Variants in FHOD3 observed in about 807,000 individuals in gnomAD.
FHOD3 encodes the protein formin homology 2 domain containing 3.
FHOD3 carries 90 observed loss-of-function variants against 173.0 expected under a neutral mutation model. That is an observed-to-expected ratio of 0.52 (90% confidence interval 0.44 to 0.62). FHOD3 has a LOEUF of 0.62. FHOD3 is among the 20% of genes least tolerant of loss of function. The probability of loss-of-function intolerance (pLI) is 0.00; values close to 1 mark genes in which losing one functional copy is unlikely to be tolerated. For missense variants in FHOD3, 1,945 were observed against 2,034.7 expected (o/e 0.96, Z 0.85); for synonymous variants, 828 against 823.0 (o/e 1.01, Z -0.10).
At chr18:36,579,709 T>C (rs2058776337) in intron 6 of FHOD3, among the ~76,000 whole-genome samples, 1 of 152,206 alleles carries the variant, frequency 6.6e-6, no homozygotes, top group East Asian at 1.9e-4. Flanking sequence ...ACAGGCACCA[T>C]CTTGGATGCA....
At position 36,649,417 on chromosome 18, in the gene FHOD3, T is replaced by G. The variant is rs1158817590; in HGVS notation, c.1286+12T>G. 6.5e-7 allele frequency: 1 copy of G among 1,531,464 alleles called. No individual in the cohort carries two copies. The highest frequency in any genetic ancestry group is 2.0e-5 in the Admixed American group (1 of 50,894). 94.9% of individuals were successfully genotyped at this position (1,531,464 alleles called of 1,614,324 possible). A position where few individuals can be genotyped will look rare whatever the true frequency, so the allele number is the denominator to read the frequency against. ...CAGGGCAAGGACAGGTACCTAGGAC[T>G]GGAGCCTCCCAAGCTCACACTAAAA... On this transcript the variant is annotated intron_variant, in intron 11 of 28. Transcript: ENST00000590592.
intron 16 of FHOD3, among the ~76,000 whole-genome samples, chr18:36,687,555 G>T (rs2038706370): frequency 6.6e-6 from 1 of 152,124 alleles, no homozygotes; most frequent in Admixed American, 6.5e-5. Context: ...ACTGTGCCAG[G>T]CAGCAGCTGG....
chr18:36,693,998 T>C (rs994184702), intron 17 of FHOD3, among the ~76,000 whole-genome samples: 2 of 152,190 alleles, frequency 1.3e-5, no homozygotes, highest in Admixed American at 6.5e-5. Context: ...CTGGGAGATA[T>C]TCTGTCTTCT....
chr18:36,400,629 G>A (rs1205663452), intron 3 of FHOD3, among the ~76,000 whole-genome samples: 1 of 152,228 alleles, frequency 6.6e-6, no homozygotes, highest in African/African-American at 2.4e-5. Context: ...TGGGGCAGTG[G>A]CAGCTGTGGC....
intron 3 of FHOD3, among the ~76,000 whole-genome samples, chr18:36,457,849 T>A (rs2052311999): frequency 6.6e-6 from 1 of 152,208 alleles, no homozygotes; most frequent in Non-Finnish European, 1.5e-5. Flanking sequence ...GGATGTTACA[T>A]AGTAGGCAAA....
rs368955921 is a variant in FHOD3 at position 36,662,869 on chromosome 18, T to C, written c.1835+4681T>C. Among the ~76,000 whole-genome samples the C allele has an allele frequency of 1.3e-3, 192 of 152,354 alleles. 3 individuals are homozygous for C. In the South Asian group the frequency reaches 0.037, roughly 29 times the overall value. On this transcript the variant is annotated intron_variant, in intron 14 of 28. Coordinates refer to ENST00000590592, the MANE Select transcript of FHOD3 (RefSeq NM_001281740.3). ...AATAACTCCTTATATCCCTCTTTCC[T>C]CAATCCCCTGGTAACCATCATTCTA...
Position 36,509,426 on chromosome 18 carries a change from C to CAAA in FHOD3, c.406-2999_406-2997dup, listed in dbSNP as rs34772691. ...TAGGCAACAGAGCAAGACTCCATCT[C>CAAA]AAAAAAAAAAAAAAAGAAAAAAAAA... On this transcript the variant is annotated intron_variant, in intron 4 of 28. Coordinates refer to ENST00000590592, the MANE Select transcript of FHOD3 (RefSeq NM_001281740.3). 1.6e-3 allele frequency among the ~76,000 whole-genome samples: 86 copies of CAAA among 54,780 alleles called. 5 individuals are homozygous for CAAA. The highest frequency in any genetic ancestry group is 4.4e-3 in the African/African-American group (63 of 14,276). The allele number at this position is 54,780 out of a possible 152,430, so 35.9% of individuals were successfully genotyped here.
chr18:36,519,916 T>C (rs888163762), intron 5 of FHOD3, among the ~76,000 whole-genome samples: 2 of 151,918 alleles, frequency 1.3e-5, no homozygotes, highest in Admixed American at 6.6e-5. Context: ...TGCTTGTCTC[T>C]GGGTAACTTT....
intron 6 of FHOD3, among the ~76,000 whole-genome samples, chr18:36,581,663 T>C (rs1166485296): frequency 6.6e-6 from 1 of 152,198 alleles, no homozygotes; most frequent in Non-Finnish European, 1.5e-5. Context: ...GCCAAGGCCC[T>C]CCTTGCACGC....
chr18:36,305,838 A>G (rs1402351551), intron 1 of FHOD3, among the ~76,000 whole-genome samples: 1 of 152,214 alleles, frequency 6.6e-6, no homozygotes, highest in African/African-American at 2.4e-5. Flanking sequence ...AATTTTGACT[A>G]AAGAAGTTTA....
At chr18:36,527,112 GTTC>G (rs1374285447) in intron 5 of FHOD3, among the ~76,000 whole-genome samples, 1 of 152,172 alleles carries the variant, frequency 6.6e-6, no homozygotes, top group African/African-American at 2.4e-5. Context: ...CCGGCTGGCT[GTTC>G]TTCTGATTCC....
At chr18:36,563,081 G>A (rs2058146142) in intron 5 of FHOD3, among the ~76,000 whole-genome samples, 1 of 152,132 alleles carries the variant, frequency 6.6e-6, no homozygotes, top group African/African-American at 2.4e-5. Context: ...GAGTCTTCAT[G>A]GTTGGTGAAA....
At chr18:36,588,751 C>A (rs375336482) in intron 6 of FHOD3, among the ~76,000 whole-genome samples, 1 of 152,190 alleles carries the variant, frequency 6.6e-6, no homozygotes, top group South Asian at 2.1e-4. Context: ...TATTAAGAGA[C>A]TGTCTTTTTA....
At position 36,512,521 on chromosome 18, in the gene FHOD3, C is replaced by A; in HGVS notation, c.489C>A (p.Asn163Lys). The change falls in exon 5 of 29, where the codon AAC becomes AAA. Residue 163 changes from asparagine (N) to lysine (K), a missense_variant. Physicochemically the swap from Asn to Lys is moderately conservative, Grantham distance 94. Around this residue, in one of 5 missense-constraint regions of FHOD3, gnomAD observed 245 missense variants for 267.7 expected, o/e 0.92. Transcript: ENST00000590592. ...LIKVGAEADQ[N>K]YQNYILRALG... The stretch of plus-strand genomic sequence containing the variant: ...AGGTGGGAGCTGAGGCTGATCAGAA[C>A]TATCAGAACTACATCTTAAGGGGTA... 1 of 1,613,808 alleles carries A rather than the reference C, an allele frequency of 6.2e-7. No homozygotes were observed. The highest frequency in any genetic ancestry group is 8.5e-7 in the Non-Finnish European group (1 of 1,179,776).
At chr18:36,424,756 A>G (rs1267212167) in intron 3 of FHOD3, among the ~76,000 whole-genome samples, 1 of 152,264 alleles carries the variant, frequency 6.6e-6, no homozygotes. Context: ...AATTCCAGAC[A>G]TAAACAATTC....
intron 5 of FHOD3, among the ~76,000 whole-genome samples, chr18:36,527,102 C>T (rs2056555368): frequency 6.6e-6 from 1 of 152,174 alleles, no homozygotes; most frequent in Admixed American, 6.5e-5. Flanking sequence ...GGAACACTGG[C>T]CGGCTGGCTG....
At chr18:36,529,693 G>C (rs988828088) in intron 5 of FHOD3, among the ~76,000 whole-genome samples, 1 of 152,040 alleles carries the variant, frequency 6.6e-6, no homozygotes. Flanking sequence ...CCAGCTACTC[G>C]GGAGGCTGAG....
At chr18:36,528,780 T>C (rs866001086) in intron 5 of FHOD3, among the ~76,000 whole-genome samples, 1 of 152,204 alleles carries the variant, frequency 6.6e-6, no homozygotes, top group African/African-American at 2.4e-5. Context: ...CTTGAAGATT[T>C]TGAGTGCTGA....
At chr18:36,647,706 G>A (rs2035786437) in intron 10 of FHOD3, among the ~76,000 whole-genome samples, 6 of 152,198 alleles carry the variant, frequency 3.9e-5, no homozygotes. Context: ...AGGGTCATCA[G>A]AAGTAGAATG....
Sources: allele counts gnomAD v4.1 joint callset (sites outside exome capture counted in the v4.1 genomes callset), GRCh38; gene constraint gnomAD v4.1.1; regional missense constraint gnomAD v4.1.1; transcripts MANE v1.5; gene names NCBI Gene and HGNC (gene_info 2026-07-23, HGNC 2026-07-21).